The following SELE variants were observed in gnomAD, a reference collection of about 807,000 sequenced individuals.
SELE encodes the protein E-selectin.
A neutral mutation model predicts 75.8 loss-of-function variants in SELE; 52 were observed. The observed-to-expected ratio is 0.69, with a 90% CI of 0.55 to 0.86. SELE has a LOEUF of 0.86. Among genes scored for constraint, SELE ranks in the 40% least tolerant of loss-of-function variants. SELE has a pLI of 0.00. For synonymous variants in SELE, 285 were observed against 258.7 expected, an observed-to-expected ratio of 1.10 and a Z score of -0.98; for missense variants, 754 against 732.7, an observed-to-expected ratio of 1.03 and a Z score of -0.34.
intron 5 of SELE, 128 bp from the exon 6 acceptor site, chr1:169,729,801 T>G (rs1648865303): frequency 2.7e-6 from 2 of 745,660 alleles, no homozygotes; most frequent in African/African-American, 3.5e-5. Flanking sequence ...ATGTCAATTC[T>G]TAGGGACATG....
rs1648673691 is a variant in SELE, at chr1:169,723,384, C to A, written c.*1141G>T. The A allele has an allele frequency of 6.6e-6, 1 of 152,210 alleles. No individual in the cohort carries two copies. Among genetic ancestry groups the A allele is most frequent in the Non-Finnish European group, 1.5e-5 (1 of 68,044 alleles). 9.4% of individuals were successfully genotyped at this position (152,210 alleles called of 1,614,324 possible). A position where few individuals can be genotyped will look rare whatever the true frequency, so the allele number is the denominator to read the frequency against. Reference sequence around the variant, plus strand: ...CAAGAATTATGTTTACATATCATATCTGACAAACATCTTTGTAGGAATGCA... The same window carrying A: ...CAAGAATTATGTTTACATATCATATATGACAAACATCTTTGTAGGAATGCA... On this transcript the variant is annotated 3_prime_UTR_variant, in exon 14 of 14. Transcript: ENST00000333360.
chr1:169,723,441 A>G lies in SELE; in HGVS notation c.*1084T>C, dbSNP rs542878898. ...ATCCATCTTTCTGTATTCTTTTCCAACAAAGACATTCATAAAATTATACCT... is the reference window on the plus strand; with the variant it reads ...ATCCATCTTTCTGTATTCTTTTCCAGCAAAGACATTCATAAAATTATACCT... On this transcript the variant is annotated 3_prime_UTR_variant, in exon 14 of 14. Transcript: ENST00000333360. 3.9e-5 allele frequency: 6 copies of G among 152,222 alleles called. No individual in the cohort carries two copies. Among genetic ancestry groups the G allele is most frequent in the Non-Finnish European group, 5.9e-5 (4 of 68,036 alleles). The allele number at this position is 152,222 out of a possible 1,614,324, so 9.4% of individuals were successfully genotyped here.
Position 169,723,197 on chromosome 1 carries a change from A to T in SELE, c.*1328T>A, listed in dbSNP as rs1648670416. The stretch of plus-strand genomic sequence containing the variant: ...TTAAATCTGCTTATAAATAAACATA[A>T]ATGCTTGCTCACACAGGCATTCCTC... On this transcript the variant is annotated 3_prime_UTR_variant, in exon 14 of 14. Coordinates refer to ENST00000333360, the MANE Select transcript of SELE (RefSeq NM_000450.2). 1.3e-5 allele frequency: 2 copies of T among 152,276 alleles called. No homozygotes were observed. Among genetic ancestry groups the T allele is most frequent in the South Asian group, 4.1e-4 (2 of 4,820 alleles). The allele number at this position is 152,276 out of a possible 1,614,324, so 9.4% of individuals were successfully genotyped here.
At chr1:169,725,561 T>C (rs568943901) in intron 13 of SELE, among the ~76,000 whole-genome samples, 168 bp downstream of exon 13, 10 of 151,160 alleles carry the variant, frequency 6.6e-5, no homozygotes, top group African/African-American at 2.4e-4. Context: ...ATCCGTTTCT[T>C]TCCTCTCCTT....
In SELE at chr1:169,722,873, A is replaced by G. The variant is rs983290465; in HGVS notation, c.*1652T>C. ...TTCAAAGAAAATAACACTGTATTCCATACATAGCCTGATCACAGTAGTTGT... is the reference window on the plus strand; with the variant it reads ...TTCAAAGAAAATAACACTGTATTCCGTACATAGCCTGATCACAGTAGTTGT... On this transcript the variant is annotated 3_prime_UTR_variant, in exon 14 of 14. Transcript: ENST00000333360. 1.3e-5 allele frequency: 2 copies of G among 152,234 alleles called. No individual in the cohort carries two copies. The highest frequency in any genetic ancestry group is 2.9e-5 in the Non-Finnish European group (2 of 68,038). The allele number at this position is 152,234 out of a possible 1,614,324, so 9.4% of individuals were successfully genotyped here.
rs761784845 is a variant in SELE at position 169,725,937 on chromosome 1, GAA to G, written c.1754-11_1754-10del. The stretch of plus-strand genomic sequence containing the variant: ...AGGAACAAATTTCTTTGCTGCAAAA[GAA>G]AAGACAAACAACCATTAATTCAGAC... On this transcript the variant is annotated splice_polypyrimidine_tract_variant and intron_variant, in intron 11 of 13. Coordinates refer to ENST00000333360, the MANE Select transcript of SELE (RefSeq NM_000450.2). The G allele has an allele frequency of 3.2e-5, 51 of 1,613,716 alleles. No individual in the cohort carries two copies. The highest frequency in any genetic ancestry group is 4.0e-5 in the Non-Finnish European group (47 of 1,179,860).
At chr1:169,729,156 A>G (rs1648845824) in intron 7 of SELE, 30 bp downstream of exon 7, 1 of 1,544,178 alleles carries the variant, frequency 6.5e-7, no homozygotes, top group East Asian at 2.3e-5. Context: ...GTTCTTTAAG[A>G]AAGTATAAAT....
Position 169,730,420 on chromosome 1 carries a change from A to G in SELE, c.715+12T>C, listed in dbSNP as rs1571146130. On this transcript the variant is annotated intron_variant, in intron 5 of 13. Coordinates refer to ENST00000333360, the MANE Select transcript of SELE (RefSeq NM_000450.2). ...GTTACAGAACGTTCTGTGCATTCTC[A>G]GAGGGATTTACCATTGCAGGCTGGA... 2 of 1,573,084 alleles carry G rather than the reference A, an allele frequency of 1.3e-6. No individual in the cohort carries two copies. Among genetic ancestry groups the G allele is most frequent in the Admixed American group, 1.7e-5 (1 of 58,636 alleles).
chr1:169,726,700 T>C lies in SELE; in HGVS notation c.1752A>G (p.Lys584=), dbSNP rs1194037150. 1.9e-6 allele frequency: 3 copies of C among 1,606,594 alleles called. No individual in the cohort carries two copies. The highest frequency in any genetic ancestry group is 2.7e-5 in the African/African-American group (2 of 74,922). Residue 584 remains lysine, a splice_region_variant and synonymous_variant, in exon 11 of 14, where the codon AAA becomes AAG. Transcript: ENST00000333360. ...FLLWLRKCLR[K]AKKFVPASSC... is the part of the protein sequence containing the mutation. ...AAGTACATTCATAAACTTCCTCACC[T>C]TTCCGTAAGCATTTCCGAAGCCAGA...
At chr1:169,733,307 A>G (rs1314390675) in intron 2 of SELE, among the ~76,000 whole-genome samples, 4 of 152,218 alleles carry the variant, frequency 2.6e-5, no homozygotes, top group Non-Finnish European at 5.9e-5. Context: ...GAAGCACTGT[A>G]TGAGGTACTT....
rs751274182 is a variant in SELE, at chr1:169,729,556, A to G, written c.833T>C (p.Leu278Pro). 6 of 1,614,184 alleles carry G rather than the reference A, an allele frequency of 3.7e-6. No individual in the cohort carries two copies. Among genetic ancestry groups the G allele is most frequent in the Non-Finnish European group, 5.1e-6 (6 of 1,180,008 alleles). ...ACACTGAAGGCTCTGGGCTCCCATT[A>G]GTTCAAATCCTTCTTCACAGTCAAA... Reference protein sequence around the residue: ...CTFDCEEGFELMGAQSLQCTS... With the variant: ...CTFDCEEGFEPMGAQSLQCTS... Residue 278 changes from leucine to proline, a missense_variant, in exon 6 of 14, where the codon CTA becomes CCA. By Grantham distance (98) the Leu-to-Pro change is moderately conservative. Transcript: ENST00000333360.
At position 169,729,314 on chromosome 1, in the gene SELE, G is replaced by A. The variant is rs1648850633; in HGVS notation, c.962C>T (p.Pro321Leu). ...QNGSVRCSHS[P>L]AGEFTFKSSC... ...TGATTTGAAGGTGAACTCTCCAGCAGGGGAATGGCTGCACCTCACAGAGCC... is the reference window on the plus strand; with the variant it reads ...TGATTTGAAGGTGAACTCTCCAGCAAGGGAATGGCTGCACCTCACAGAGCC... The change falls in exon 7 of 14, where the codon CCT becomes CTT. Residue 321 changes from proline (P) to leucine (L), a missense_variant. By Grantham distance (98) the Pro-to-Leu change is moderately conservative. Coordinates refer to ENST00000333360, the MANE Select transcript of SELE (RefSeq NM_000450.2). 1.2e-6 allele frequency: 2 copies of A among 1,614,024 alleles called. No individual in the cohort carries two copies. Among genetic ancestry groups the A allele is most frequent in the South Asian group, 1.1e-5 (1 of 91,090 alleles).
chr1:169,722,758 C>T lies in SELE; in HGVS notation c.*1767G>A, dbSNP rs1648658085. The T allele has an allele frequency of 6.6e-6, 1 of 152,010 alleles. No homozygotes were observed. The highest frequency in any genetic ancestry group is 1.5e-5 in the Non-Finnish European group (1 of 67,988). The allele number at this position is 152,010 out of a possible 1,614,324, so 9.4% of individuals were successfully genotyped here. On this transcript the variant is annotated 3_prime_UTR_variant, in exon 14 of 14. Transcript: ENST00000333360. The stretch of plus-strand genomic sequence containing the variant: ...ATATTTTAAGTTATAATTTAAAATT[C>T]TCAATAAAACTCAAACACAAACCAC...
intron 5 of SELE, among the ~76,000 whole-genome samples, chr1:169,730,079 C>T (rs890508718): frequency 4.6e-5 from 7 of 152,164 alleles, no homozygotes; most frequent in Non-Finnish European, 8.8e-5. Flanking sequence ...AAAAGAGATA[C>T]TAAGACTGCT....
intron 4 of SELE, 102 bp downstream of exon 4, chr1:169,731,733 G>A: frequency 4.1e-6 from 3 of 738,978 alleles, no homozygotes; most frequent in Admixed American, 2.0e-5. Context: ...GACACCATCT[G>A]CACCAGGGAA....
At chr1:169,726,906 G>A in intron 10 of SELE, 100 bp from the exon 11 acceptor site, 1 of 758,928 alleles carries the variant, frequency 1.3e-6, no homozygotes, top group Admixed American at 2.4e-5. Flanking sequence ...TCATTACTAG[G>A]AGCAGAAGAG....
At chr1:169,730,651 T>G (rs1648891853) in intron 4 of SELE, 34 bp from the exon 5 acceptor site, 18 of 1,455,038 alleles carry the variant, frequency 1.2e-5, no homozygotes, top group Non-Finnish European at 1.6e-5. Context: ...TCTGCTCATC[T>G]CTCACCTTTA....
intron 3 of SELE, 107 bp from the exon 4 acceptor site, chr1:169,732,049 G>A: frequency 1.5e-6 from 1 of 667,650 alleles, no homozygotes; most frequent in South Asian, 1.9e-5. Context: ...CAGTCCTACA[G>A]AGTGCCATAG....
Position 169,726,765 on chromosome 1 carries a change from C to T in SELE, c.1687G>A (p.Ala563Thr), listed in dbSNP as rs767400639. ...AATGTCAGGAGGGAGAGTCCAGCAG[C>T]AGAAAGTCCAGCTACCAAGGGAATG... ...SNIPLVAGLS[A>T]AGLSLLTLAP... is the part of the protein sequence containing the mutation. Residue 563 changes from alanine to threonine, a missense_variant, in exon 11 of 14, where the codon GCT (alanine) becomes ACT (threonine). Transcript: ENST00000333360. 7.4e-6 allele frequency: 12 copies of T among 1,613,680 alleles called. No homozygotes were observed. The highest frequency in any genetic ancestry group is 2.5e-6 in the Non-Finnish European group (3 of 1,179,906).
Sources: gnomAD v4.1 joint callset for allele counts (sites outside exome capture counted in the v4.1 genomes callset) on GRCh38, gnomAD v4.1.1 for gene constraint, MANE v1.5 for transcripts, NCBI Gene and HGNC (gene_info 2026-07-23, HGNC 2026-07-21) for gene names.